LUZP2: variants seen among roughly 807,000 people sequenced by gnomAD.
The protein encoded by LUZP2 is leucine zipper protein 2.
Under a neutral mutation model 51.6 loss-of-function variants are expected in LUZP2, and 52 were observed. That is an observed-to-expected ratio of 1.01 (90% CI 0.81 to 1.27). The LOEUF is 1.27. Among genes scored for constraint, LUZP2 ranks in the 50% most tolerant of loss-of-function variants. LUZP2 has a pLI of 0.00. For missense variants in LUZP2, 436 were observed against 395.4 expected (o/e 1.10, Z -0.87); for synonymous variants, 154 against 137.3 (o/e 1.12, Z -0.85).
At chr11:24,884,967 C>A (rs763770739) in intron 5 of LUZP2, among the ~76,000 whole-genome samples, 32 of 151,926 alleles carry the variant, frequency 2.1e-4, no homozygotes, top group Non-Finnish European at 3.1e-4. Context: ...CATTTTTAAC[C>A]TATCAGAATT....
At chr11:24,579,922 G>C (rs536757582) in intron 1 of LUZP2, among the ~76,000 whole-genome samples, 1 of 152,028 alleles carries the variant, frequency 6.6e-6, no homozygotes, top group African/African-American at 2.4e-5. Flanking sequence ...ATCTAAGCAA[G>C]AACTATGGTA....
intron 1 of LUZP2, among the ~76,000 whole-genome samples, chr11:24,662,716 C>T (rs1205106339): frequency 1.3e-5 from 2 of 151,942 alleles, no homozygotes; most frequent in Non-Finnish European, 2.9e-5. Flanking sequence ...GGAAACATTT[C>T]TGAAAAATAA....
intron 9 of LUZP2, among the ~76,000 whole-genome samples, chr11:25,047,077 A>G (rs1051013543): frequency 6.6e-6 from 1 of 152,152 alleles, no homozygotes; most frequent in African/African-American, 2.4e-5. Context: ...TTAGAAACAA[A>G]ATACATTGAA....
At chr11:24,972,577 G>A (rs866033172) in intron 7 of LUZP2, among the ~76,000 whole-genome samples, 2 of 152,032 alleles carry the variant, frequency 1.3e-5, no homozygotes, top group Admixed American at 1.3e-4. Flanking sequence ...AGACAACAAT[G>A]TTGTCCTTCT....
chr11:24,640,626 T>C (rs1008830265), intron 1 of LUZP2, among the ~76,000 whole-genome samples: 3 of 151,940 alleles, frequency 2.0e-5, no homozygotes, highest in Non-Finnish European at 2.9e-5. Flanking sequence ...AAATATCGTG[T>C]TATTTGTATC....
At chr11:24,599,617 TACTC>T (rs1420160422) in intron 1 of LUZP2, among the ~76,000 whole-genome samples, 3 of 152,196 alleles carry the variant, frequency 2.0e-5, no homozygotes, top group African/African-American at 7.2e-5. Flanking sequence ...CAATTGACCT[TACTC>T]ACATCTGTAG....
chr11:25,041,223 A>G (rs1858047409), intron 9 of LUZP2, among the ~76,000 whole-genome samples: 1 of 152,028 alleles, frequency 6.6e-6, no homozygotes, highest in Admixed American at 6.6e-5. Context: ...TATACGCTGT[A>G]TTTTTTCTAT....
At chr11:24,829,758 C>A (rs1850644172) in intron 5 of LUZP2, among the ~76,000 whole-genome samples, 1 of 152,106 alleles carries the variant, frequency 6.6e-6, no homozygotes, top group Non-Finnish European at 1.5e-5. Flanking sequence ...CTGTGAGGTT[C>A]TAGAGAGTAT....
At chr11:24,503,065 A>T (rs143385147) in intron 1 of LUZP2, among the ~76,000 whole-genome samples, 106 of 152,298 alleles carry the variant, frequency 7.0e-4, no homozygotes, top group African/African-American at 2.4e-3. Context: ...AGAATCACTG[A>T]TATAGAGGCA....
chr11:25,021,089 T>C (rs957584842), intron 9 of LUZP2, among the ~76,000 whole-genome samples: 1 of 152,122 alleles, frequency 6.6e-6, no homozygotes, highest in Non-Finnish European at 1.5e-5. Flanking sequence ...TTGGGGCTTA[T>C]ATAACTTGCA....
chr11:25,013,283 T>C (rs775130795), intron 9 of LUZP2, among the ~76,000 whole-genome samples: 1 of 151,912 alleles, frequency 6.6e-6, no homozygotes, highest in East Asian at 1.9e-4. Context: ...ACACTTAACG[T>C]AGAAAAAATG....
At chr11:24,761,518 A>G (rs995080793) in intron 4 of LUZP2, among the ~76,000 whole-genome samples, 1 of 152,156 alleles carries the variant, frequency 6.6e-6, no homozygotes, top group African/African-American at 2.4e-5. Context: ...TGATAATGGG[A>G]AAAATCATTC....
At chr11:24,703,639 A>T (rs977030203) in intron 1 of LUZP2, among the ~76,000 whole-genome samples, 1 of 151,722 alleles carries the variant, frequency 6.6e-6, no homozygotes, top group East Asian at 2.0e-4. Context: ...CCTGGCCAAC[A>T]TGGTGACACT....
chr11:24,517,358 T>C (rs887334489), intron 1 of LUZP2, among the ~76,000 whole-genome samples: 21 of 151,344 alleles, frequency 1.4e-4, no homozygotes, highest in South Asian at 2.1e-4. Flanking sequence ...TGGTGGCGGG[T>C]TCCTGTAGTC....
chr11:24,742,057 T>TTATA lies in LUZP2; in HGVS notation c.333+3771_333+3774dup, dbSNP rs1554983398. 2.5e-3 allele frequency among the ~76,000 whole-genome samples: 296 copies of TTATA among 116,296 alleles called. 9 individuals carry two copies. The highest frequency in any genetic ancestry group is 3.3e-3 in the Non-Finnish European group (203 of 60,726). The allele number at this position is 116,296 out of a possible 152,430, so 76.3% of individuals were successfully genotyped here. A position where few individuals can be genotyped will look rare whatever the true frequency, so the allele number is the denominator to read the frequency against. ...TATAAATACATAAAAATAAATATAATTATATATATATATATATATCACCAT... is the reference window on the plus strand; with the variant it reads ...TATAAATACATAAAAATAAATATAATTATATATATATATATATATATATCACCAT... On this transcript the variant is annotated intron_variant, in intron 4 of 11. Coordinates refer to ENST00000336930, the MANE Select transcript of LUZP2 (RefSeq NM_001009909.4).
chr11:24,984,583 G>T (rs1158823418), intron 9 of LUZP2, among the ~76,000 whole-genome samples: 1 of 115,760 alleles, frequency 8.6e-6, no homozygotes, highest in Non-Finnish European at 1.8e-5. Context: ...AGTTCACGAA[G>T]GGAGGAGTAC....
intron 5 of LUZP2, among the ~76,000 whole-genome samples, chr11:24,822,360 C>A (rs759181339): frequency 6.6e-6 from 1 of 152,118 alleles, no homozygotes; most frequent in Non-Finnish European, 1.5e-5. Context: ...CAGAGGTGAA[C>A]CACTCTTAGA....
At chr11:24,589,139 C>T (rs761141510) in intron 1 of LUZP2, among the ~76,000 whole-genome samples, 1 of 152,144 alleles carries the variant, frequency 6.6e-6, no homozygotes, top group Non-Finnish European at 1.5e-5. Context: ...CCTCTGGCTG[C>T]TTTCTGGGAA....
At chr11:25,033,139 G>C (rs1379617141) in intron 9 of LUZP2, among the ~76,000 whole-genome samples, 1 of 152,184 alleles carries the variant, frequency 6.6e-6, no homozygotes, top group African/African-American at 2.4e-5. Flanking sequence ...TAAGGGTGGG[G>C]AATAGAGCAG....
Sources: gnomAD v4.1 joint callset for allele counts (sites outside exome capture counted in the v4.1 genomes callset) on GRCh38, gnomAD v4.1.1 for gene constraint, MANE v1.5 for transcripts, NCBI Gene and HGNC (gene_info 2026-07-23, HGNC 2026-07-21) for gene names.